HDAC8: variants seen among roughly 807,000 people sequenced by gnomAD.
The protein encoded by HDAC8 is histone deacetylase 8.
HDAC8 carries 1 observed loss-of-function variant against 32.2 expected under a neutral mutation model. The ratio of observed to expected loss-of-function variants is 0.03; its 90% CI spans 0.01 to 0.15. HDAC8 has a LOEUF of 0.15. Among genes scored for constraint, HDAC8 ranks in the 10% least tolerant of loss-of-function variants. The pLI is 1.00. For synonymous variants in HDAC8, 108 were observed against 113.9 expected, an observed-to-expected ratio of 0.95 and a Z score of 0.33; for missense variants, 117 against 300.0, an observed-to-expected ratio of 0.39 and a Z score of 4.51.
chrX:72,483,206 T>G (rs186932381), intron 7 of HDAC8, among the ~76,000 whole-genome samples: 1 of 112,041 alleles, frequency 8.9e-6, no homozygotes, highest in East Asian at 2.8e-4. Flanking sequence ...GTTAATGTTT[T>G]TAAAACCCTA....
At chrX:72,345,230 G>T (rs2043994244) in intron 10 of HDAC8, among the ~76,000 whole-genome samples, 1 of 111,193 alleles carries the variant, frequency 9.0e-6, no homozygotes, top group Non-Finnish European at 1.9e-5. Flanking sequence ...AAATTAAACT[G>T]CTTCTGAAGC....
At chrX:72,474,133 T>G in intron 7 of HDAC8, 3 of 750,507 alleles carry the variant, frequency 4.0e-6, no homozygotes, top group Non-Finnish European at 4.7e-6. Flanking sequence ...ATAGAGTAAT[T>G]AGCTACCCTT....
intron 9 of HDAC8, among the ~76,000 whole-genome samples, chrX:72,440,862 C>T (rs1403441705): frequency 1.8e-5 from 2 of 112,691 alleles, no homozygotes; most frequent in Non-Finnish European, 3.8e-5. Flanking sequence ...GCTTAAAAAA[C>T]GGCGCACCAG....
At chrX:72,434,387 C>A (rs782710922) in intron 9 of HDAC8, among the ~76,000 whole-genome samples, 11 of 111,829 alleles carry the variant, frequency 9.8e-5, no homozygotes, top group Non-Finnish European at 3.8e-5. Flanking sequence ...TAAATCCTAC[C>A]TATATGAAGC....
At chrX:72,387,835 T>C (rs945791741) in intron 9 of HDAC8, among the ~76,000 whole-genome samples, 1 of 111,327 alleles carries the variant, frequency 9.0e-6, no homozygotes, top group East Asian at 2.8e-4. Context: ...GAATTTAGTA[T>C]AGTTGAGGAG....
intron 9 of HDAC8, among the ~76,000 whole-genome samples, chrX:72,424,039 C>T (rs782217588): frequency 7.8e-4 from 87 of 112,253 alleles, no homozygotes; most frequent in Non-Finnish European, 1.2e-3. Context: ...CTGAAAATAT[C>T]TGTATTTGAT....
intron 9 of HDAC8, among the ~76,000 whole-genome samples, chrX:72,441,703 G>A (rs1206673859): frequency 3.6e-5 from 4 of 112,370 alleles, no homozygotes; most frequent in African/African-American, 1.3e-4. Flanking sequence ...TTGAAGAGTT[G>A]AGAGAAGAAG....
At chrX:72,429,560 C>T (rs16991549) in intron 9 of HDAC8, among the ~76,000 whole-genome samples, 6,155 of 111,465 alleles carry the variant, frequency 0.055, 409 homozygotes, top group African/African-American at 0.19. Flanking sequence ...TGGAGGTGCA[C>T]GCCAGTGAGA....
At chrX:72,556,389 G>A (rs1018494429) in intron 4 of HDAC8, among the ~76,000 whole-genome samples, 3 of 111,683 alleles carry the variant, frequency 2.7e-5, no homozygotes, top group Non-Finnish European at 3.8e-5. Context: ...ATGATGAATA[G>A]AATAGTACCT....
At chrX:72,516,654 A>G (rs1401149434) in intron 4 of HDAC8, among the ~76,000 whole-genome samples, 1 of 111,911 alleles carries the variant, frequency 8.9e-6, no homozygotes, top group African/African-American at 3.2e-5. Flanking sequence ...CCACAAAACT[A>G]TAACTGCAGA....
chrX:72,351,918 G>A, intron 9 of HDAC8, 80 bp from the exon 10 acceptor site: 1 of 697,656 alleles, frequency 1.4e-6, no homozygotes, highest in South Asian at 2.7e-5. Flanking sequence ...ACAATCAAAA[G>A]AAACTCATAC....
chrX:72,508,106 A>G (rs1370665597), intron 4 of HDAC8, among the ~76,000 whole-genome samples: 2 of 112,532 alleles, frequency 1.8e-5, no homozygotes, highest in Non-Finnish European at 3.7e-5. Context: ...CAGTACTGGT[A>G]TCAGAAGTTA....
intron 4 of HDAC8, 84 bp from the exon 5 acceptor site, chrX:72,495,352 C>G (rs782797687): frequency 3.8e-6 from 2 of 523,192 alleles, no homozygotes; most frequent in African/African-American, 4.8e-5. Flanking sequence ...CCCTTGAGAT[C>G]TAGTCCCCTA....
chrX:72,391,979 G>A (rs1290647941), intron 9 of HDAC8, among the ~76,000 whole-genome samples: 1 of 111,478 alleles, frequency 9.0e-6, no homozygotes, highest in Non-Finnish European at 1.9e-5. Context: ...TGCATATAGC[G>A]GTAGTCAGTA....
intron 4 of HDAC8, among the ~76,000 whole-genome samples, chrX:72,558,094 C>A (rs1556101260): frequency 9.0e-6 from 1 of 111,646 alleles, no homozygotes; most frequent in Non-Finnish European, 1.9e-5. Context: ...GTAACAACAA[C>A]AACAAAAAAT....
rs2051335424 is a variant in HDAC8, at chrX:72,557,799, C to T, written c.437+10090G>A. On this transcript the variant is annotated intron_variant, in intron 4 of 10. Coordinates refer to ENST00000373573, the MANE Select transcript of HDAC8 (RefSeq NM_018486.3). ...TACAAAAGATAAATGAAGCAAAACG[C>T]TGGTTCTTTTAAAATAAATAAAATT... Among the ~76,000 whole-genome samples the T allele has an allele frequency of 2.7e-5, 3 of 111,227 alleles. No homozygotes were observed. In the Admixed American group the frequency reaches 2.9e-4, roughly 11 times the overall value.
chrX:72,518,816 A>G (rs1418430371), intron 4 of HDAC8, among the ~76,000 whole-genome samples: 1 of 112,163 alleles, frequency 8.9e-6, no homozygotes, highest in African/African-American at 3.2e-5. Context: ...TGCCTTTTCC[A>G]GAATATCAAA....
rs782726928 is a variant in HDAC8, at chrX:72,436,275, C to T, written c.1005+25729G>A. On this transcript the variant is annotated intron_variant, in intron 9 of 10. Transcript: ENST00000373573. ...AATCCACTCCAATAAAAATAATAAT[C>T]AAATGTCTGAAAAATAAAGACAAAG... Among the ~76,000 whole-genome samples the T allele has an allele frequency of 1.8e-4, 20 of 111,701 alleles. No individual in the cohort carries two copies. The South Asian group carries it at 7.1e-3, about 40-fold the overall frequency.
intron 6 of HDAC8, 70 bp from the exon 7 acceptor site, chrX:72,489,111 T>C (rs899555434): frequency 4.2e-6 from 3 of 712,279 alleles, no homozygotes; most frequent in Non-Finnish European, 4.2e-6. Context: ...AAGGATTTCC[T>C]GATAGGGAAA....
Sources: allele counts gnomAD v4.1 joint callset (sites outside exome capture counted in the v4.1 genomes callset), GRCh38; gene constraint gnomAD v4.1.1; transcripts MANE v1.5; gene names NCBI Gene and HGNC (gene_info 2026-07-23, HGNC 2026-07-21).